The following CDK5RAP2 variants were observed in gnomAD, a reference collection of about 807,000 sequenced individuals.
CDK5RAP2 encodes CDK5 regulatory subunit associated protein 2, also known as CDK5 regulatory subunit-associated protein 2.
A neutral mutation model predicts 232.9 loss-of-function variants in CDK5RAP2; 147 were observed. The observed-to-expected ratio is 0.63, with a 90% CI of 0.55 to 0.72. The LOEUF (loss-of-function observed/expected upper bound fraction) is 0.72. Ranked by LOEUF, CDK5RAP2 falls within the 30% of genes least tolerant of loss-of-function variation. The pLI, the probability that CDK5RAP2 is intolerant of heterozygous loss-of-function variation, is 0.00. For missense variants in CDK5RAP2, 2,195 were observed against 2,231.5 expected, an observed-to-expected ratio of 0.98 and a Z score of 0.33; for synonymous variants, 833 against 833.7, an observed-to-expected ratio of 1.00 and a Z score of 0.01.
rs539236647 is a variant in CDK5RAP2, at chr9:120,501,405, G to T, written c.1312-9928C>A. Reference sequence around the variant, plus strand: ...TCCTAATATAGTATTTAATTTATATGTGTATTTTGCTTGCAGTTTTCCCAC... The same window carrying T: ...TCCTAATATAGTATTTAATTTATATTTGTATTTTGCTTGCAGTTTTCCCAC... On this transcript the variant is annotated intron_variant, in intron 12 of 37. Coordinates refer to ENST00000349780, the MANE Select transcript of CDK5RAP2 (RefSeq NM_018249.6). Among the ~76,000 whole-genome samples, 5 of 152,290 alleles carry T rather than the reference G, an allele frequency of 3.3e-5. No homozygotes were observed. The South Asian group carries it at 1.0e-3, about 32-fold the overall frequency.
At chr9:120,401,879 G>C (rs2033048369) in intron 34 of CDK5RAP2, among the ~76,000 whole-genome samples, 1 of 152,028 alleles carries the variant, frequency 6.6e-6, no homozygotes, top group Non-Finnish European at 1.5e-5. Context: ...AGCTACTAAA[G>C]AGGCTGAGGG....
At chr9:120,401,060 T>C in intron 34 of CDK5RAP2, 175 bp from the exon 35 acceptor site, 1 of 642,670 alleles carries the variant, frequency 1.6e-6, no homozygotes, top group East Asian at 2.8e-5. Flanking sequence ...GAATTGTAGA[T>C]TATGAGAGAA....
At chr9:120,413,830 AGG>A (rs2034024327) in intron 28 of CDK5RAP2, among the ~76,000 whole-genome samples, 14 of 93,234 alleles carry the variant, frequency 1.5e-4, no homozygotes, top group African/African-American at 5.1e-4. Context: ...GGGAGGAGGG[AGG>A]AGGGAGGAGG....
Position 120,406,775 on chromosome 9 carries a change from G to A in CDK5RAP2, c.4963+237C>T, listed in dbSNP as rs2033471641. ...AGGCCAGAGGCACTGAGGGTGTCTG[G>A]AAGTCCAAATTCCACTTCCCTGAGA... is the stretch of plus-strand genomic sequence containing the variant. On this transcript the variant is annotated intron_variant, in intron 32 of 37. Transcript: ENST00000349780. 8.7e-6 allele frequency: 5 copies of A among 574,132 alleles called. No individual in the cohort carries two copies. In the East Asian group the frequency reaches 1.4e-4, roughly 16 times the overall value. 35.6% of individuals were successfully genotyped at this position (574,132 alleles called of 1,614,324 possible).
intron 28 of CDK5RAP2, 114 bp from the exon 29 acceptor site, chr9:120,411,588 C>T: frequency 1.4e-6 from 1 of 690,438 alleles, no homozygotes; most frequent in Non-Finnish European, 2.6e-6. Flanking sequence ...ATGAAAATCC[C>T]TCCTGTTAAC....
chr9:120,492,128 T>C (rs904290024), intron 12 of CDK5RAP2, among the ~76,000 whole-genome samples: 5 of 152,246 alleles, frequency 3.3e-5, no homozygotes, highest in African/African-American at 1.2e-4. Context: ...TGATTGTGAC[T>C]ACCTTTAAAT....
At chr9:120,444,802 A>G (rs2036090984) in intron 22 of CDK5RAP2, among the ~76,000 whole-genome samples, 1 of 152,228 alleles carries the variant, frequency 6.6e-6, no homozygotes, top group South Asian at 2.1e-4. Context: ...AGTTAGTCAC[A>G]GTGTGACTGT....
In CDK5RAP2 at chr9:120,477,282, TGCGTGTATGC is replaced by T; in HGVS notation, c.1727+58_1727+67del. On this transcript the variant is annotated intron_variant, in intron 15 of 37. Transcript: ENST00000349780. ...GATCAGCACTGATTGAAAGGGTGTG[TGCGTGTATGC>T]GCGTGCATGTGTGTGTGTTCGCATT... The T allele has an allele frequency of 1.4e-5, 15 of 1,100,794 alleles. No individual in the cohort carries two copies. The South Asian group carries it at 1.6e-4, about 12-fold the overall frequency. 68.2% of individuals were successfully genotyped at this position (1,100,794 alleles called of 1,614,324 possible).
intron 9 of CDK5RAP2, 76 bp downstream of exon 9, chr9:120,528,668 T>G: frequency 1.1e-6 from 1 of 891,270 alleles, no homozygotes; most frequent in Admixed American, 1.8e-5. Context: ...CAGAATTATC[T>G]GCTGCACTCA....
intron 27 of CDK5RAP2, among the ~76,000 whole-genome samples, chr9:120,415,954 T>C (rs1025706720): frequency 1.3e-5 from 2 of 152,196 alleles, no homozygotes; most frequent in Non-Finnish European, 2.9e-5. Context: ...ATTAAAATTA[T>C]GTTATGAAGA....
intron 12 of CDK5RAP2, among the ~76,000 whole-genome samples, chr9:120,492,786 CAT>C (rs1431064734): frequency 6.6e-6 from 1 of 151,978 alleles, no homozygotes; most frequent in Non-Finnish European, 1.5e-5. Context: ...GTATATATAA[CAT>C]ATATATTTAT....
At chr9:120,493,508 T>C (rs1237334526) in intron 12 of CDK5RAP2, among the ~76,000 whole-genome samples, 4 of 152,180 alleles carry the variant, frequency 2.6e-5, no homozygotes, top group African/African-American at 9.6e-5. Flanking sequence ...AAATGATCAA[T>C]AGCTAGTAAC....
chr9:120,527,753 C>A, intron 10 of CDK5RAP2, 53 bp downstream of exon 10: 1 of 1,601,962 alleles, frequency 6.2e-7, no homozygotes, highest in Non-Finnish European at 8.5e-7. Flanking sequence ...GTAGGACAGG[C>A]CAGTCATAGA....
chr9:120,465,725 A>C (rs1246861534), intron 18 of CDK5RAP2, among the ~76,000 whole-genome samples: 1 of 152,100 alleles, frequency 6.6e-6, no homozygotes, highest in Non-Finnish European at 1.5e-5. Context: ...AAAAACCTCT[A>C]AACACAGAAA....
chr9:120,465,605 G>A (rs749933254), intron 18 of CDK5RAP2, among the ~76,000 whole-genome samples: 2 of 151,546 alleles, frequency 1.3e-5, no homozygotes, highest in Non-Finnish European at 2.9e-5. Flanking sequence ...TGGGGGGAGG[G>A]GGAAAATAAA....
At chr9:120,441,980 C>CT (rs916357606) in intron 23 of CDK5RAP2, among the ~76,000 whole-genome samples, 27 of 152,190 alleles carry the variant, frequency 1.8e-4, no homozygotes, top group Admixed American at 8.5e-4. Context: ...CTCCATAAGG[C>CT]TTTTTTTCCA....
intron 3 of CDK5RAP2, among the ~76,000 whole-genome samples, chr9:120,562,998 G>A (rs904899691): frequency 1.3e-5 from 2 of 152,118 alleles, no homozygotes; most frequent in Admixed American, 1.3e-4. Context: ...ATTGAATAGA[G>A]ACACATGTTA....
intron 7 of CDK5RAP2, among the ~76,000 whole-genome samples, chr9:120,534,335 G>C (rs2041293760): frequency 6.6e-6 from 1 of 152,198 alleles, no homozygotes; most frequent in African/African-American, 2.4e-5. Flanking sequence ...CTCTGTCCAA[G>C]TAATTCTTCC....
intron 15 of CDK5RAP2, among the ~76,000 whole-genome samples, chr9:120,475,651 T>C (rs148645479): frequency 6.0e-4 from 92 of 152,278 alleles, no homozygotes; most frequent in African/African-American, 1.9e-3. Flanking sequence ...TGAGGTTTCT[T>C]GAAAAAACTC....
Sources: gnomAD v4.1 joint callset for allele counts (sites outside exome capture counted in the v4.1 genomes callset) on GRCh38, gnomAD v4.1.1 for gene constraint, MANE v1.5 for transcripts, NCBI Gene and HGNC (gene_info 2026-07-23, HGNC 2026-07-21) for gene names.